Variants in RBFOX1 observed in about 807,000 individuals in gnomAD.
The protein encoded by RBFOX1 is RNA binding fox-1 homolog 1, also known as RNA binding protein fox-1 homolog 1.
A neutral mutation model predicts 57.7 loss-of-function variants in RBFOX1; 8 were observed. The ratio of observed to expected loss-of-function variants is 0.14; its 90% CI spans 0.08 to 0.25. RBFOX1 has a LOEUF of 0.25. Among genes scored for constraint, RBFOX1 ranks in the 10% least tolerant of loss-of-function variants. The pLI, the probability that RBFOX1 is intolerant of heterozygous loss-of-function variation, is 1.00. For missense variants in RBFOX1, 611 were observed against 548.5 expected, an observed-to-expected ratio of 1.11 and a Z score of -1.14; for synonymous variants, 326 against 222.4, an observed-to-expected ratio of 1.47 and a Z score of -4.15.
At chr16:7,607,540 G>C (rs1202799664) in intron 10 of RBFOX1, among the ~76,000 whole-genome samples, 1 of 152,098 alleles carries the variant, frequency 6.6e-6, no homozygotes, top group African/African-American at 2.4e-5. Flanking sequence ...TCATGGTTGG[G>C]GGATCAGCGT....
At chr16:7,649,743 C>G (rs947649826) in intron 11 of RBFOX1, among the ~76,000 whole-genome samples, 4 of 152,170 alleles carry the variant, frequency 2.6e-5, no homozygotes, top group African/African-American at 9.7e-5. Flanking sequence ...CTCATCCTAA[C>G]TGATGAGCAG....
At chr16:6,218,013 C>G (rs1205042467) in intron 1 of RBFOX1, among the ~76,000 whole-genome samples, 1 of 152,090 alleles carries the variant, frequency 6.6e-6, no homozygotes, top group Non-Finnish European at 1.5e-5. Flanking sequence ...GAGATTCTGT[C>G]TCAAAAATAA....
intron 4 of RBFOX1, among the ~76,000 whole-genome samples, chr16:7,405,156 A>C (rs1167940022): frequency 6.6e-6 from 1 of 152,318 alleles, no homozygotes. Flanking sequence ...CTGCAGTTGC[A>C]ATTTATTTCC....
At chr16:5,949,801 A>G (rs1270197635) in intron 4 of RBFOX1, among the ~76,000 whole-genome samples, 1 of 152,186 alleles carries the variant, frequency 6.6e-6, no homozygotes, top group East Asian at 1.9e-4. Flanking sequence ...TCCCAAGCCT[A>G]TTGAATCAGA....
intron 4 of RBFOX1, among the ~76,000 whole-genome samples, chr16:7,457,771 T>C (rs1038277932): frequency 6.6e-6 from 1 of 152,056 alleles, no homozygotes; most frequent in Non-Finnish European, 1.5e-5. Flanking sequence ...GTCTGGAAGG[T>C]TCTTCTTACG....
chr16:6,708,874 G>C (rs566889816), intron 3 of RBFOX1, among the ~76,000 whole-genome samples: 2 of 152,224 alleles, frequency 1.3e-5, no homozygotes, highest in Non-Finnish European at 2.9e-5. Context: ...CCAGAAGTTT[G>C]CTTGGTTTTC....
intron 2 of RBFOX1, among the ~76,000 whole-genome samples, chr16:6,468,484 C>G (rs1462944904): frequency 1.3e-5 from 2 of 152,116 alleles, no homozygotes; most frequent in South Asian, 2.1e-4. Context: ...AGAATTAAGT[C>G]TAGAGATTAT....
At chr16:7,676,550 G>T (rs1040547030) in intron 13 of RBFOX1, among the ~76,000 whole-genome samples, 11 of 152,108 alleles carry the variant, frequency 7.2e-5, no homozygotes, top group African/African-American at 2.4e-4. Flanking sequence ...CTTCTTTTGG[G>T]ATGTGCTTAT....
intron 4 of RBFOX1, among the ~76,000 whole-genome samples, chr16:7,158,743 T>C (rs540068602): frequency 6.6e-6 from 1 of 151,998 alleles, no homozygotes; most frequent in Admixed American, 6.6e-5. Context: ...GTGTGTTGTT[T>C]CTGGGTGGTG....
chr16:5,579,028 A>G (rs1304702981), intron 2 of RBFOX1, among the ~76,000 whole-genome samples: 1 of 151,700 alleles, frequency 6.6e-6, no homozygotes, highest in Non-Finnish European at 1.5e-5. Context: ...TTGTATTTTT[A>G]GTAGAGACAA....
chr16:5,692,177 G>C (rs1181879961), intron 3 of RBFOX1, among the ~76,000 whole-genome samples: 14 of 73,278 alleles, frequency 1.9e-4, no homozygotes, highest in African/African-American at 5.8e-4. Context: ...GTGTGTGTGT[G>C]TGTGTGTGTG....
At chr16:7,148,188 G>A (rs544709895) in intron 4 of RBFOX1, among the ~76,000 whole-genome samples, 1 of 152,300 alleles carries the variant, frequency 6.6e-6, no homozygotes, top group East Asian at 1.9e-4. Flanking sequence ...ACCAAATACT[G>A]CCTGGGGTCT....
intron 4 of RBFOX1, among the ~76,000 whole-genome samples, chr16:5,997,366 A>G (rs1211436655): frequency 6.6e-6 from 1 of 152,212 alleles, no homozygotes; most frequent in East Asian, 1.9e-4. Flanking sequence ...TTTGGTTTAG[A>G]CTTGAGTCTG....
At chr16:7,612,382 C>T (rs1477930032) in intron 10 of RBFOX1, among the ~76,000 whole-genome samples, 1 of 149,686 alleles carries the variant, frequency 6.7e-6, no homozygotes, top group Non-Finnish European at 1.5e-5. Context: ...CACACAAATC[C>T]AGGTGAGTCA....
intron 1 of RBFOX1, among the ~76,000 whole-genome samples, chr16:5,408,044 G>T (rs1287491975): frequency 6.6e-6 from 1 of 152,068 alleles, no homozygotes; most frequent in East Asian, 1.9e-4. Context: ...TGAGGGCCCT[G>T]CAGGCTGATG....
At chr16:6,615,698 A>G (rs760043268) in intron 2 of RBFOX1, among the ~76,000 whole-genome samples, 8 of 152,210 alleles carry the variant, frequency 5.3e-5, no homozygotes, top group Admixed American at 3.3e-4. Flanking sequence ...CTCCAGGAGA[A>G]CATCAATGCA....
At chr16:6,570,524 CAT>C (rs1278808876) in intron 2 of RBFOX1, among the ~76,000 whole-genome samples, 20 of 152,168 alleles carry the variant, frequency 1.3e-4, no homozygotes, top group African/African-American at 4.8e-4. Context: ...CATACATACA[CAT>C]ATAAAATATA....
At chr16:6,768,881 G>A (rs183237389) in intron 3 of RBFOX1, among the ~76,000 whole-genome samples, 2 of 151,708 alleles carry the variant, frequency 1.3e-5, no homozygotes, top group African/African-American at 2.4e-5. Context: ...GGCACCCACC[G>A]TCATGCTCGG....
At chr16:7,387,755 C>G (rs1433310173) in intron 4 of RBFOX1, among the ~76,000 whole-genome samples, 1 of 152,132 alleles carries the variant, frequency 6.6e-6, no homozygotes, top group African/African-American at 2.4e-5. Flanking sequence ...TCCCCACAAT[C>G]CCATGAACAG....
Sources: gnomAD v4.1 joint callset for allele counts (sites outside exome capture counted in the v4.1 genomes callset) on GRCh38, gnomAD v4.1.1 for gene constraint, MANE v1.5 for transcripts, NCBI Gene and HGNC (gene_info 2026-07-23, HGNC 2026-07-21) for gene names.